Variants in FAAH2 observed in about 807,000 individuals in gnomAD.
The protein encoded by FAAH2 is fatty acid amide hydrolase 2.
A neutral mutation model predicts 36.9 loss-of-function variants in FAAH2; 60 were observed. That is an observed-to-expected ratio of 1.63 (90% confidence interval 1.32 to 2.02). FAAH2 has a LOEUF of 2.02. Ranked by LOEUF, FAAH2 falls within the 30% of genes most tolerant of loss-of-function variation. FAAH2 has a pLI of 0.00. For missense variants in FAAH2, 689 were observed against 397.5 expected, an observed-to-expected ratio of 1.73 and a Z score of -6.23; for synonymous variants, 214 against 143.8, an observed-to-expected ratio of 1.49 and a Z score of -3.49.
Position 57,306,990 on chromosome X carries a change from C to T in FAAH2, c.276-3603C>T, listed in dbSNP as rs867624964. On this transcript the variant is annotated intron_variant, in intron 2 of 10. Coordinates refer to ENST00000374900, the MANE Select transcript of FAAH2 (RefSeq NM_174912.4). ...ACACACACGTATACACACACACACA[C>T]ACAGATACATATATATATATATATA... 8.5e-3 allele frequency among the ~76,000 whole-genome samples: 76 copies of T among 8,965 alleles called. 2 individuals carry two copies. Among genetic ancestry groups the T allele is most frequent in the Non-Finnish European group, 9.3e-3 (4 of 431 alleles). 7.8% of individuals were successfully genotyped at this position (8,965 alleles called of 115,157 possible).
At chrX:57,266,550 T>C in the FAAH2 span, among the ~76,000 whole-genome samples, 1 of 112,435 alleles carries the variant, frequency 8.9e-6, no homozygotes, top group African/African-American at 3.2e-5. Context: ...TCCTTGTTAC[T>C]CTTGAACTAT....
At chrX:57,160,370 G>A in the FAAH2 span, among the ~76,000 whole-genome samples, 1 of 111,733 alleles carries the variant, frequency 8.9e-6, no homozygotes, top group East Asian at 2.8e-4. Flanking sequence ...GAGTTAGGGA[G>A]GATTGCCTCT....
chrX:57,452,432 A>T (rs1469981522), intron 10 of FAAH2: 1 of 558,687 alleles, frequency 1.8e-6, no homozygotes, highest in Admixed American at 8.9e-5. Context: ...ATATTTAAAC[A>T]GAGTGGGCTT....
intron 5 of FAAH2, among the ~76,000 whole-genome samples, chrX:57,360,566 TTTCTC>T (rs2054262934): frequency 9.0e-6 from 1 of 111,426 alleles, no homozygotes; most frequent in Non-Finnish European, 1.9e-5. Context: ...TTTTGTCTGT[TTTCTC>T]TTTTAGTTAT....
chrX:57,397,914 T>G (rs922253941), intron 7 of FAAH2, among the ~76,000 whole-genome samples: 7 of 105,948 alleles, frequency 6.6e-5, no homozygotes, highest in Non-Finnish European at 1.4e-4. Context: ...CCATGTGTTC[T>G]CATTGTTCAA....
At chrX:57,204,113 A>G in the FAAH2 span, among the ~76,000 whole-genome samples, 61 of 111,384 alleles carry the variant, frequency 5.5e-4, no homozygotes, top group Non-Finnish European at 1.1e-3. Flanking sequence ...GGACAAATCC[A>G]TAATGATTCC....
chrX:57,229,726 C>A, the FAAH2 span, among the ~76,000 whole-genome samples: 1 of 111,244 alleles, frequency 9.0e-6, no homozygotes, highest in Non-Finnish European at 1.9e-5. Flanking sequence ...ATCATGACAC[C>A]AAACCCCCAC....
At chrX:57,321,140 A>C (rs969164327) in intron 3 of FAAH2, among the ~76,000 whole-genome samples, 3 of 49,959 alleles carry the variant, frequency 6.0e-5, no homozygotes, top group African/African-American at 4.5e-4. Flanking sequence ...ACTCCATCTC[A>C]AAAAAAAAAA....
At chrX:57,204,952 G>T in the FAAH2 span, among the ~76,000 whole-genome samples, 1 of 112,195 alleles carries the variant, frequency 8.9e-6, no homozygotes, top group Non-Finnish European at 1.9e-5. Context: ...ATAGCCTGAG[G>T]CATTATCTGT....
chrX:57,162,367 T>C, the FAAH2 span, among the ~76,000 whole-genome samples: 6 of 111,368 alleles, frequency 5.4e-5, no homozygotes, highest in East Asian at 1.1e-3. Context: ...AGGAGTATCT[T>C]TGTGGCGTTC....
chrX:57,157,392 G>A, the FAAH2 span, among the ~76,000 whole-genome samples: 3 of 111,972 alleles, frequency 2.7e-5, no homozygotes, highest in East Asian at 2.8e-4. Context: ...CAGGACCTGG[G>A]TTTCTCCTAC....
chrX:57,422,080 A>G (rs908516794), intron 7 of FAAH2, among the ~76,000 whole-genome samples: 2 of 108,270 alleles, frequency 1.8e-5, no homozygotes, highest in Admixed American at 9.9e-5. Context: ...CAGACATAGG[A>G]AAAAAAAAAC....
the FAAH2 span, among the ~76,000 whole-genome samples, chrX:57,260,845 GATA>G: frequency 2.7e-5 from 3 of 111,094 alleles, no homozygotes; most frequent in South Asian, 1.1e-3. Context: ...ATTTTAATAT[GATA>G]ATATATCACA....
At chrX:57,293,235 A>G (rs2052037324) in intron 2 of FAAH2, among the ~76,000 whole-genome samples, 1 of 111,567 alleles carries the variant, frequency 9.0e-6, no homozygotes, top group Non-Finnish European at 1.9e-5. Context: ...ATTAAAATTG[A>G]GTCACTTATT....
the FAAH2 span, among the ~76,000 whole-genome samples, chrX:57,160,141 T>C: frequency 1.2e-3 from 131 of 112,000 alleles, no homozygotes; most frequent in African/African-American, 4.2e-3. Flanking sequence ...GGATTACGTT[T>C]ATTGATTTTT....
At chrX:57,431,787 G>GTTTTTTGTTTTTTTTT (rs1556012973) in intron 7 of FAAH2, 131 bp from the exon 8 acceptor site, 1 of 122,888 alleles carries the variant, frequency 8.1e-6, no homozygotes, top group Non-Finnish European at 1.3e-5. Flanking sequence ...TTGTTTTTTT[G>GTTTTTTGTTTTTTTTT]TTTTTTTTGG....
intron 10 of FAAH2, among the ~76,000 whole-genome samples, chrX:57,472,949 C>G (rs1346544814): frequency 9.0e-6 from 1 of 110,816 alleles, no homozygotes; most frequent in African/African-American, 3.3e-5. Context: ...TGCTAGGGGT[C>G]TGTCAAGTTT....
chrX:57,215,774 A>G, the FAAH2 span, among the ~76,000 whole-genome samples: 1,027 of 109,181 alleles, frequency 9.4e-3, 13 homozygotes, highest in African/African-American at 0.033. Flanking sequence ...ATAAGAACAC[A>G]TGGACACAGA....
chrX:57,451,943 A>C (rs1225047756), intron 10 of FAAH2, among the ~76,000 whole-genome samples: 1 of 112,719 alleles, frequency 8.9e-6, no homozygotes, highest in African/African-American at 3.2e-5. Context: ...ACATGCAATC[A>C]ACAATGTTTC....
Sources: allele counts gnomAD v4.1 joint callset (sites outside exome capture counted in the v4.1 genomes callset), GRCh38; gene constraint gnomAD v4.1.1; transcripts MANE v1.5; gene names NCBI Gene and HGNC (gene_info 2026-07-23, HGNC 2026-07-21).